ATOSA: variants seen among roughly 807,000 people sequenced by gnomAD.
ATOSA encodes the protein atos homolog A.
At chr15:52,603,216 G>GAT in the ATOSA span, among the ~76,000 whole-genome samples, 1 of 152,040 alleles carries the variant, frequency 6.6e-6, no homozygotes, top group Admixed American at 6.6e-5. Context: ...ATGGCCAACA[G>GAT]ATATATGAAA....
At chr15:52,605,483 C>G in the ATOSA span, among the ~76,000 whole-genome samples, 1 of 151,972 alleles carries the variant, frequency 6.6e-6, no homozygotes, top group African/African-American at 2.4e-5. Context: ...ACTGGTTAAT[C>G]ACCCCAAATG....
At chr15:52,634,997 G>T in the ATOSA span, among the ~76,000 whole-genome samples, 1 of 152,116 alleles carries the variant, frequency 6.6e-6, no homozygotes, top group African/African-American at 2.4e-5. Flanking sequence ...AAGCTGGAAT[G>T]GTTATATTAA....
the ATOSA span, chr15:52,611,734 C>T: frequency 6.2e-7 from 1 of 1,613,982 alleles, no homozygotes; most frequent in East Asian, 2.2e-5. Flanking sequence ...GTTATTCTTC[C>T]ACAACAATGT....
the ATOSA span, among the ~76,000 whole-genome samples, chr15:52,698,595 T>A: frequency 6.6e-6 from 1 of 152,216 alleles, no homozygotes; most frequent in Admixed American, 6.5e-5. Flanking sequence ...AGATACTATG[T>A]TGACTGAAAG....
chr15:52,703,574 C>T, the ATOSA span, among the ~76,000 whole-genome samples: 4 of 151,998 alleles, frequency 2.6e-5, no homozygotes, highest in African/African-American at 9.7e-5. Flanking sequence ...CAATTTTACT[C>T]CTAGAAATCT....
the ATOSA span, among the ~76,000 whole-genome samples, chr15:52,597,656 T>C: frequency 2.6e-5 from 4 of 152,184 alleles, no homozygotes; most frequent in African/African-American, 9.7e-5. Flanking sequence ...TATGCTGGAC[T>C]GAACTGAATG....
chr15:52,604,272 C>G, the ATOSA span, among the ~76,000 whole-genome samples: 54 of 152,268 alleles, frequency 3.5e-4, no homozygotes, highest in Non-Finnish European at 6.0e-4. Flanking sequence ...ATACAAAAAA[C>G]AACAAAATCC....
At chr15:52,593,876 A>G in the ATOSA span, 42 of 875,076 alleles carry the variant, frequency 4.8e-5, no homozygotes, top group Admixed American at 3.2e-5. Flanking sequence ...TAGCACTAGA[A>G]CAGTGGTTGT....
At chr15:52,606,074 A>T in the ATOSA span, among the ~76,000 whole-genome samples, 3 of 152,060 alleles carry the variant, frequency 2.0e-5, no homozygotes, top group African/African-American at 7.2e-5. Context: ...CTGGTTGACC[A>T]TGAGTAACTG....
At chr15:52,624,649 T>C in the ATOSA span, among the ~76,000 whole-genome samples, 2 of 152,242 alleles carry the variant, frequency 1.3e-5, no homozygotes, top group Admixed American at 1.3e-4. Flanking sequence ...TATCAACCTA[T>C]TCATTTCTTT....
the ATOSA span, among the ~76,000 whole-genome samples, chr15:52,671,352 T>C: frequency 6.6e-6 from 1 of 152,238 alleles, no homozygotes; most frequent in Admixed American, 6.5e-5. Context: ...GAAGTTCAGC[T>C]GGTATCAGTA....
the ATOSA span, among the ~76,000 whole-genome samples, chr15:52,636,405 G>T: frequency 6.6e-6 from 1 of 152,044 alleles, no homozygotes; most frequent in Non-Finnish European, 1.5e-5. Flanking sequence ...ACCCTCAAAG[G>T]GGACTGTAGT....
chr15:52,624,070 C>T, the ATOSA span, among the ~76,000 whole-genome samples: 1 of 152,184 alleles, frequency 6.6e-6, no homozygotes, highest in Non-Finnish European at 1.5e-5. Context: ...ATCCCCAAAA[C>T]AGTTACCTAG....
chr15:52,628,042 T>C, the ATOSA span, among the ~76,000 whole-genome samples: 4 of 152,098 alleles, frequency 2.6e-5, no homozygotes, highest in Non-Finnish European at 4.4e-5. Flanking sequence ...GAATCACCAA[T>C]GGAAATGAAG....
the ATOSA span, among the ~76,000 whole-genome samples, chr15:52,594,248 G>A: frequency 6.6e-6 from 1 of 151,978 alleles, no homozygotes; most frequent in African/African-American, 2.4e-5. Context: ...AAATACTGTA[G>A]TATGTGATAT....
chr15:52,612,636 C>G, the ATOSA span, among the ~76,000 whole-genome samples: 1 of 151,480 alleles, frequency 6.6e-6, no homozygotes, highest in Non-Finnish European at 1.5e-5. Flanking sequence ...TCCCGAGTAG[C>G]TGAGATTACA....
chr15:52,616,289 G>A, the ATOSA span, among the ~76,000 whole-genome samples: 13 of 152,234 alleles, frequency 8.5e-5, no homozygotes, highest in Non-Finnish European at 1.2e-4. Flanking sequence ...CGGTAGTGAC[G>A]TGTTGCTTGA....
the ATOSA span, among the ~76,000 whole-genome samples, chr15:52,649,108 T>G: frequency 6.6e-6 from 1 of 152,160 alleles, no homozygotes; most frequent in African/African-American, 2.4e-5. Flanking sequence ...AGAAAAAAAT[T>G]TACTATATAC....
chr15:52,669,443 TAAATTTAAGTAG>T, the ATOSA span, among the ~76,000 whole-genome samples: 1 of 152,326 alleles, frequency 6.6e-6, no homozygotes, highest in East Asian at 1.9e-4. Flanking sequence ...CTTACTGTTA[TAAATTTAAGTAG>T]AAATGGCCAA....
Sources: allele counts gnomAD v4.1 joint callset (sites outside exome capture counted in the v4.1 genomes callset), GRCh38; gene constraint gnomAD v4.1.1; transcripts MANE v1.5; gene names NCBI Gene and HGNC (gene_info 2026-07-23, HGNC 2026-07-21).